Variants in ANKRD31 observed in about 807,000 individuals in gnomAD.
ANKRD31 encodes ankyrin repeat domain-containing protein 31.
In ANKRD31, 147 loss-of-function variants were observed where a neutral mutation model predicts 186.0. The observed-to-expected ratio is 0.79, with a 90% CI of 0.69 to 0.91. The LOEUF is 0.91. ANKRD31 is among the 40% of genes least tolerant of loss of function. ANKRD31 has a pLI of 0.00. For synonymous variants in ANKRD31, 673 were observed against 736.4 expected (o/e 0.91, Z 1.39); for missense variants, 1,986 against 2,148.8 (o/e 0.92, Z 1.50).
At chr5:75,079,671 T>C (rs940271048) in intron 25 of ANKRD31, among the ~76,000 whole-genome samples, 4 of 152,152 alleles carry the variant, frequency 2.6e-5, no homozygotes, top group Admixed American at 6.5e-5. Context: ...AGATGGGGTT[T>C]CATCATGTTG....
intron 17 of ANKRD31, among the ~76,000 whole-genome samples, chr5:75,130,872 C>G (rs916324502): frequency 6.6e-6 from 1 of 152,238 alleles, no homozygotes; most frequent in African/African-American, 2.4e-5. Flanking sequence ...GCACTCACCA[C>G]GGGACTTTGC....
chr5:75,105,125 T>A lies in ANKRD31; in HGVS notation c.4434A>T (p.Lys1478Asn). The change falls in exon 22 of 26, where the codon AAA (lysine) becomes AAT (asparagine). Residue 1478 changes from lysine to asparagine, a missense_variant. Physicochemically the swap from Lys to Asn is moderately conservative, Grantham distance 94. Transcript: ENST00000506364. ...GAATTTTCAGGCTTATTTTTTTCTG[T>A]TTTTTTGCCACAACTAAAAGGCTCT... ...RQKSLLVVAK[K>N]QKKISLKIQN... The A allele has an allele frequency of 6.5e-7, 1 of 1,536,892 alleles. No individual in the cohort carries two copies. Among genetic ancestry groups the A allele is most frequent in the South Asian group, 1.2e-5 (1 of 84,004 alleles).
chr5:75,199,314 C>A (rs1049563686), intron 6 of ANKRD31, among the ~76,000 whole-genome samples: 1 of 152,110 alleles, frequency 6.6e-6, no homozygotes, highest in Non-Finnish European at 1.5e-5. Context: ...AAGTAAAAAG[C>A]AAATCCAAAG....
intron 24 of ANKRD31, among the ~76,000 whole-genome samples, chr5:75,082,839 C>T (rs998815082): frequency 1.3e-5 from 2 of 152,068 alleles, no homozygotes; most frequent in African/African-American, 4.8e-5. Context: ...AAATTGAGTG[C>T]TATAAAACAA....
At chr5:75,149,610 A>G (rs1310603396) in intron 12 of ANKRD31, among the ~76,000 whole-genome samples, 1 of 151,866 alleles carries the variant, frequency 6.6e-6, no homozygotes, top group African/African-American at 2.4e-5. Context: ...CTTGATTCTC[A>G]TCTGCTTAGC....
At chr5:75,226,207 T>A (rs1247878630) in intron 2 of ANKRD31, among the ~76,000 whole-genome samples, 1 of 152,166 alleles carries the variant, frequency 6.6e-6, no homozygotes, top group Non-Finnish European at 1.5e-5. Context: ...AGACAACATC[T>A]CTAGACCTGC....
At chr5:75,129,825 G>A (rs1295821264) in intron 17 of ANKRD31, among the ~76,000 whole-genome samples, 2 of 152,202 alleles carry the variant, frequency 1.3e-5, no homozygotes, top group Non-Finnish European at 2.9e-5. Flanking sequence ...GCCGAAGCAG[G>A]GCAGGGCATC....
chr5:75,099,265 A>C (rs952173702), intron 22 of ANKRD31, among the ~76,000 whole-genome samples: 1 of 152,240 alleles, frequency 6.6e-6, no homozygotes, highest in African/African-American at 2.4e-5. Flanking sequence ...CCAGCCTTGC[A>C]TCCCAGGGAT....
rs761768750 is a variant in ANKRD31, at chr5:75,104,328, T to C, written c.5231A>G (p.Asn1744Ser). 1.4e-4 allele frequency: 217 copies of C among 1,537,112 alleles called. 2 individuals are homozygous for C. Among genetic ancestry groups the C allele is most frequent in the Non-Finnish European group, 1.8e-4 (204 of 1,146,902 alleles). ...TTTCTTTTTAGGAGCTGTACTGTAG[T>C]TTAAAGCCTTTTTTATTGTATCTTG... ...GQQDTIKKAL[N>S]YSTAPKKKCI... is the part of the protein sequence containing the mutation. The change falls in exon 22 of 26, where the codon AAC (asparagine) becomes AGC (serine). Residue 1744 changes from asparagine (N) to serine (S), a missense_variant. Asn to Ser is a conservative substitution (Grantham distance 46). Transcript: ENST00000506364.
chr5:75,179,974 A>C (rs962017720), intron 10 of ANKRD31, among the ~76,000 whole-genome samples: 7 of 152,098 alleles, frequency 4.6e-5, no homozygotes, highest in Non-Finnish European at 8.8e-5. Context: ...GATTGTATAT[A>C]TAGAAAACCC....
chr5:75,107,646 A>AACT, intron 20 of ANKRD31, 29 bp from the exon 21 acceptor site: 2 of 1,381,736 alleles, frequency 1.4e-6, no homozygotes, highest in Non-Finnish European at 2.0e-6. Context: ...AAAGTTAGCT[A>AACT]ACTGAGGGAG....
chr5:75,203,673 AAAAAGAAAAGAAAAG>A (rs1554092025), intron 5 of ANKRD31, among the ~76,000 whole-genome samples: 6 of 148,240 alleles, frequency 4.0e-5, no homozygotes, highest in Non-Finnish European at 7.4e-5. Context: ...AAAAAAAAAA[AAAAAGAAAAGAAAAG>A]AAAAGAAAAG....
intron 10 of ANKRD31, among the ~76,000 whole-genome samples, chr5:75,180,539 T>C (rs1320681998): frequency 5.3e-5 from 8 of 152,004 alleles, no homozygotes; most frequent in Admixed American, 1.3e-4. Context: ...AACAGAGATA[T>C]AGACAAATGG....
intron 22 of ANKRD31, among the ~76,000 whole-genome samples, chr5:75,099,284 C>A (rs1170754985): frequency 6.6e-6 from 1 of 152,166 alleles, no homozygotes; most frequent in Non-Finnish European, 1.5e-5. Context: ...ATGAAGCCCA[C>A]TTGATCATGG....
rs144469896 is a variant in ANKRD31, at chr5:75,163,599, T to A, written c.1707+5380A>T. ...GGTGTGAAATTTTTCACTCATGGCATCATGTCAACACTCAAAAAGTTTTGG... is the reference window on the plus strand; with the variant it reads ...GGTGTGAAATTTTTCACTCATGGCAACATGTCAACACTCAAAAAGTTTTGG... On this transcript the variant is annotated intron_variant, in intron 11 of 25. Coordinates refer to ENST00000506364, the MANE Select transcript of ANKRD31 (RefSeq NM_001372053.1). 9.8e-4 allele frequency among the ~76,000 whole-genome samples: 150 copies of A among 152,342 alleles called. 2 individuals are homozygous for A. The East Asian group carries it at 0.026, about 26-fold the overall frequency.
intron 10 of ANKRD31, among the ~76,000 whole-genome samples, chr5:75,179,325 T>C (rs994554131): frequency 3.2e-4 from 48 of 152,164 alleles, no homozygotes; most frequent in Non-Finnish European, 5.9e-4. Context: ...GCTGGTACCA[T>C]TCCTTCTGAA....
Position 75,084,291 on chromosome 5 carries a change from T to C in ANKRD31, c.5556A>G (p.Gln1852=), listed in dbSNP as rs752048815. Reference sequence around the variant, plus strand: ...ACATACCTGGAAGACAAGGTTGATATTGCTGAGGTACTGAGTTTGGTTCTG... The same window carrying C: ...ACATACCTGGAAGACAAGGTTGATACTGCTGAGGTACTGAGTTTGGTTCTG... ...ILPEPNSVPQ[Q]YQPCLPEVAC... is the part of the protein sequence containing the mutation. Residue 1852 remains glutamine (Q), a synonymous_variant, in exon 24 of 26, where the codon CAA becomes CAG. Transcript: ENST00000506364. The C allele has an allele frequency of 3.9e-6, 6 of 1,536,700 alleles. No homozygotes were observed. Among genetic ancestry groups the C allele is most frequent in the African/African-American group, 1.4e-5 (1 of 73,046 alleles).
Position 75,107,030 on chromosome 5 carries a change from C to T in ANKRD31, c.4340+491G>A, listed in dbSNP as rs188010380. Among the ~76,000 whole-genome samples, 14 of 151,644 alleles carry T rather than the reference C, an allele frequency of 9.2e-5. No homozygotes were observed. In the East Asian group the frequency reaches 1.7e-3, roughly 19 times the overall value. On this transcript the variant is annotated intron_variant, in intron 21 of 25. Transcript: ENST00000506364. ...GCCCAAACAAGAAAAAAACATGTAACATTTTTTTCACAAAAAAATATGAGA... is the reference window on the plus strand; with the variant it reads ...GCCCAAACAAGAAAAAAACATGTAATATTTTTTTCACAAAAAAATATGAGA...
chr5:75,116,270 G>T (rs1375008059), intron 19 of ANKRD31, among the ~76,000 whole-genome samples: 4 of 98,044 alleles, frequency 4.1e-5, no homozygotes, highest in Non-Finnish European at 7.6e-5. Flanking sequence ...GGGGTGGGGG[G>T]AGGGGGGAGG....
Sources: allele counts gnomAD v4.1 joint callset (sites outside exome capture counted in the v4.1 genomes callset), GRCh38; gene constraint gnomAD v4.1.1; transcripts MANE v1.5; gene names NCBI Gene and HGNC (gene_info 2026-07-23, HGNC 2026-07-21).